Variants in FOXR1 observed in about 807,000 individuals in gnomAD.
FOXR1 encodes forkhead box protein R1.
In FOXR1, 25 loss-of-function variants were observed where a neutral mutation model predicts 34.5. The ratio of observed to expected loss-of-function variants is 0.72; its 90% CI spans 0.53 to 1.01. The LOEUF (loss-of-function observed/expected upper bound fraction) is 1.01, where lower values mean the gene tolerates loss of function less well. Ranked by LOEUF, FOXR1 falls within the 50% of genes least tolerant of loss-of-function variation. FOXR1 has a pLI of 0.00. For missense variants in FOXR1, 373 were observed against 376.2 expected, an observed-to-expected ratio of 0.99 and a Z score of 0.07; for synonymous variants, 153 against 141.6, an observed-to-expected ratio of 1.08 and a Z score of -0.57.
intron 1 of FOXR1, 144 bp downstream of exon 1, chr11:118,972,136 C>G (rs7107879): frequency 1.8e-5 from 10 of 548,546 alleles, no homozygotes; most frequent in East Asian, 7.1e-5. Context: ...CGCGCCCCCC[C>G]CCCCCGACGG....
intron 4 of FOXR1, 39 bp downstream of exon 4, chr11:118,979,707 G>A (rs782464801): frequency 2.6e-6 from 4 of 1,534,646 alleles, no homozygotes; most frequent in South Asian, 1.3e-5. Context: ...GGAAGTGGGG[G>A]CCAGGGCCCC....
chr11:118,972,125 C>A, intron 1 of FOXR1, 133 bp downstream of exon 1: 1 of 486,242 alleles, frequency 2.1e-6, no homozygotes, highest in Non-Finnish European at 3.1e-6. Flanking sequence ...GCCGAGCGCC[C>A]CGCGCCCCCC....
Position 118,978,769 on chromosome 11 carries a change from T to G in FOXR1, c.62-13T>G. The G allele has an allele frequency of 6.2e-7, 1 of 1,614,096 alleles. No individual in the cohort carries two copies. Among genetic ancestry groups the G allele is most frequent in the African/African-American group, 1.3e-5 (1 of 75,040 alleles). ...TAGGATGTTTTGACTCTCTCTGTCT[T>G]TCTTTTTGCCAGTTGCCAGGTATAA... On this transcript the variant is annotated splice_polypyrimidine_tract_variant and intron_variant, in intron 1 of 5. Transcript: ENST00000317011.
At position 118,979,663 on chromosome 11, in the gene FOXR1, C is replaced by G. The variant is rs146406923; in HGVS notation, c.606C>G (p.Phe202Leu). 3.4e-5 allele frequency: 54 copies of G among 1,597,604 alleles called. No individual in the cohort carries two copies. Among genetic ancestry groups the G allele is most frequent in the Non-Finnish European group, 4.3e-5 (50 of 1,171,556 alleles). ...TCAACGTGCAACAGATCTACAGTTT[C>G]ACTCGGTATGTGCCGGGGGCCCTGC... The part of the protein sequence containing the change: ...CGLNVQQIYS[F>L]TRKHFPFFRT... The change falls in exon 4 of 6, where the codon TTC becomes TTG. Residue 202 changes from phenylalanine to leucine, a missense_variant. Phe to Leu is a conservative substitution (Grantham distance 22, BLOSUM62 0). Coordinates refer to ENST00000317011, the MANE Select transcript of FOXR1 (RefSeq NM_181721.3).
chr11:118,973,813 C>T (rs1941745887), intron 1 of FOXR1, among the ~76,000 whole-genome samples: 1 of 151,592 alleles, frequency 6.6e-6, no homozygotes, highest in South Asian at 2.1e-4. Context: ...TGTGCTTCAG[C>T]CTCACCAGTA....
At position 118,979,032 on chromosome 11, in the gene FOXR1, C is replaced by T; in HGVS notation, c.212C>T (p.Ser71Leu). Residue 71 changes from serine to leucine, a missense_variant, in exon 3 of 6, where the codon TCA (serine) becomes TTA (leucine). Physicochemically the swap from Ser to Leu is moderately radical, Grantham distance 145 (BLOSUM62 -2). Coordinates refer to ENST00000317011, the MANE Select transcript of FOXR1 (RefSeq NM_181721.3). ...TATCCCCCTGGAAAGCTGGAGGTCT[C>T]AGGACGTAGGAAGAGGGAGGACCTG... ...IVYPPGKLEVSGRRKREDLTS... is the reference protein window; with the variant it reads ...IVYPPGKLEVLGRRKREDLTS... 6.2e-7 allele frequency: 1 copy of T among 1,602,742 alleles called. No homozygotes were observed. The highest frequency in any genetic ancestry group is 8.5e-7 in the Non-Finnish European group (1 of 1,174,440).
intron 1 of FOXR1, among the ~76,000 whole-genome samples, chr11:118,978,217 G>GA (rs34672422): frequency 0.33 from 48,011 of 145,434 alleles, 8,310 homozygotes; most frequent in Admixed American, 0.49. Context: ...GACTCCATCT[G>GA]AAAAAAAAAA....
At position 118,980,487 on chromosome 11, in the gene FOXR1, T is replaced by G; in HGVS notation, c.612-3T>G. The G allele has an allele frequency of 6.2e-7, 1 of 1,614,060 alleles. No homozygotes were observed. The highest frequency in any genetic ancestry group is 8.5e-7 in the Non-Finnish European group (1 of 1,179,934). ...TTTCCTTACCTCTCCTCCCTGTCCA[T>G]AGAAAGCACTTCCCCTTTTTCCGGA... On this transcript the variant is annotated splice_polypyrimidine_tract_variant and splice_region_variant and intron_variant, in intron 4 of 5. Coordinates refer to ENST00000317011, the MANE Select transcript of FOXR1 (RefSeq NM_181721.3).
intron 4 of FOXR1, 123 bp downstream of exon 4, chr11:118,979,791 A>T: frequency 1.2e-6 from 1 of 826,938 alleles, no homozygotes; most frequent in Non-Finnish European, 1.9e-6. Flanking sequence ...TGAGAGGACA[A>T]GTATGTTCCC....
At chr11:118,976,566 T>C (rs1941782794) in intron 1 of FOXR1, among the ~76,000 whole-genome samples, 1 of 152,206 alleles carries the variant, frequency 6.6e-6, no homozygotes, top group African/African-American at 2.4e-5. Flanking sequence ...GGTCAGTAGA[T>C]GGTAGTAACA....
intron 4 of FOXR1, 85 bp downstream of exon 4, chr11:118,979,753 T>A: frequency 7.8e-7 from 1 of 1,284,392 alleles, no homozygotes; most frequent in Non-Finnish European, 1.1e-6. Context: ...AGGCCCTGGG[T>A]TGCTGACCTG....
chr11:118,975,419 T>C (rs1269228428), intron 1 of FOXR1, among the ~76,000 whole-genome samples: 2 of 151,278 alleles, frequency 1.3e-5, no homozygotes, highest in Admixed American at 6.6e-5. Context: ...TTTTCTTTCT[T>C]CTTTTTTTTT....
chr11:118,977,938 G>A (rs1301810400), intron 1 of FOXR1, among the ~76,000 whole-genome samples: 7 of 152,064 alleles, frequency 4.6e-5, no homozygotes, highest in Non-Finnish European at 7.3e-5. Context: ...ACAAAAATTG[G>A]GCTGGGCGCG....
At chr11:118,973,251 C>T (rs1461109964) in intron 1 of FOXR1, among the ~76,000 whole-genome samples, 1 of 152,024 alleles carries the variant, frequency 6.6e-6, no homozygotes, top group African/African-American at 2.4e-5. Flanking sequence ...ATAGAACAGA[C>T]AAGGAACCTT....
At chr11:118,978,287 T>C (rs1178869233) in intron 1 of FOXR1, among the ~76,000 whole-genome samples, 4 of 151,462 alleles carry the variant, frequency 2.6e-5, no homozygotes, top group Non-Finnish European at 5.9e-5. Flanking sequence ...CCTGGGAGAC[T>C]GAGGTGGGAG....
intron 5 of FOXR1, 88 bp downstream of exon 5, chr11:118,980,816 TGGG>T: frequency 8.1e-7 from 1 of 1,241,390 alleles, no homozygotes; most frequent in South Asian, 1.4e-5. Flanking sequence ...GGTCACACCG[TGGG>T]GGTGGGGGAA....
chr11:118,973,493 G>C (rs796471203), intron 1 of FOXR1, among the ~76,000 whole-genome samples: 1 of 149,120 alleles, frequency 6.7e-6, no homozygotes, highest in African/African-American at 2.4e-5. Context: ...TCTGCCCCCC[G>C]GGTTCAAGTG....
At chr11:118,974,367 C>T (rs894015018) in intron 1 of FOXR1, among the ~76,000 whole-genome samples, 8 of 152,106 alleles carry the variant, frequency 5.3e-5, no homozygotes, top group Non-Finnish European at 1.2e-4. Context: ...ACCACACTGG[C>T]TAACTTTTTT....
intron 5 of FOXR1, 54 bp downstream of exon 5, chr11:118,980,782 C>T: frequency 5.8e-6 from 9 of 1,539,932 alleles, no homozygotes; most frequent in Non-Finnish European, 7.9e-6. Context: ...AGGATCCTGA[C>T]CCAAGGCCAA....
Sources: gnomAD v4.1 joint callset for allele counts (sites outside exome capture counted in the v4.1 genomes callset) on GRCh38, gnomAD v4.1.1 for gene constraint, MANE v1.5 for transcripts, NCBI Gene and HGNC (gene_info 2026-07-23, HGNC 2026-07-21) for gene names.